FGF12: variants seen among roughly 807,000 people sequenced by gnomAD.
FGF12 encodes the protein fibroblast growth factor 12B.
A neutral mutation model predicts 23.6 loss-of-function variants in FGF12; 14 were observed. The ratio of observed to expected loss-of-function variants is 0.59; its 90% CI spans 0.39 to 0.93. FGF12 has a LOEUF of 0.93. FGF12 is among the 40% of genes least tolerant of loss of function. The pLI, the probability that FGF12 is intolerant of heterozygous loss-of-function variation, is 0.00. For missense variants in FGF12, 175 were observed against 217.8 expected, an observed-to-expected ratio of 0.80 and a Z score of 1.24; for synonymous variants, 62 against 77.3, an observed-to-expected ratio of 0.80 and a Z score of 1.04.
intron 2 of FGF12, among the ~76,000 whole-genome samples, chr3:192,364,731 A>G (rs565426293): frequency 6.6e-6 from 1 of 152,320 alleles, no homozygotes; most frequent in South Asian, 2.1e-4. Context: ...TAAAGGAAAG[A>G]TGACTGCCAT....
chr3:192,295,855 TATTTA>T (rs1470360439), intron 4 of FGF12, among the ~76,000 whole-genome samples: 10 of 151,876 alleles, frequency 6.6e-5, no homozygotes, highest in African/African-American at 1.7e-4. Context: ...GCAATAGAAA[TATTTA>T]ATTTAATTAA....
intron 4 of FGF12, among the ~76,000 whole-genome samples, chr3:192,214,989 C>A (rs184436280): frequency 7.2e-5 from 11 of 152,320 alleles, no homozygotes; most frequent in African/African-American, 2.6e-4. Context: ...CAGCTCCCCC[C>A]AGATCTGCTT....
chr3:192,652,732 C>T (rs1386470287), intron 2 of FGF12, among the ~76,000 whole-genome samples: 1 of 152,150 alleles, frequency 6.6e-6, no homozygotes, highest in East Asian at 1.9e-4. Flanking sequence ...CTGTGATGTT[C>T]ACTCAAATTT....
intron 5 of FGF12, among the ~76,000 whole-genome samples, chr3:192,159,331 T>G (rs1248847224): frequency 1.3e-5 from 2 of 152,184 alleles, no homozygotes; most frequent in Admixed American, 6.5e-5. Context: ...AGTTAATTAT[T>G]TCCTCCTTTT....
At chr3:192,477,650 G>C (rs1380867130) in intron 2 of FGF12, among the ~76,000 whole-genome samples, 1 of 152,124 alleles carries the variant, frequency 6.6e-6, no homozygotes, top group Non-Finnish European at 1.5e-5. Flanking sequence ...GTGGAGAGAG[G>C]GGAAGAGTCA....
At chr3:192,606,375 A>T (rs1714337848) in intron 2 of FGF12, among the ~76,000 whole-genome samples, 1 of 152,024 alleles carries the variant, frequency 6.6e-6, no homozygotes, top group Non-Finnish European at 1.5e-5. Flanking sequence ...TACCAGAAAG[A>T]GGAGGGAGAA....
intron 2 of FGF12, among the ~76,000 whole-genome samples, chr3:192,623,799 A>G (rs1424438578): frequency 1.3e-5 from 2 of 152,172 alleles, no homozygotes; most frequent in Non-Finnish European, 2.9e-5. Context: ...CTCGGCTATT[A>G]TTCCCTGTTG....
At chr3:192,452,047 G>A (rs1016705880) in intron 2 of FGF12, among the ~76,000 whole-genome samples, 18 of 152,080 alleles carry the variant, frequency 1.2e-4, no homozygotes, top group Non-Finnish European at 2.1e-4. Context: ...TTGAATAGAA[G>A]TAATGAAAAT....
chr3:192,711,940 C>CAAAAA (rs60779864), intron 2 of FGF12, among the ~76,000 whole-genome samples: 4 of 50,810 alleles, frequency 7.9e-5, no homozygotes, highest in Non-Finnish European at 1.5e-4. Flanking sequence ...CAAGAACGAT[C>CAAAAA]AAAAAAAAAA....
At chr3:192,579,171 T>C in intron 2 of FGF12, among the ~76,000 whole-genome samples, 1 of 152,216 alleles carries the variant, frequency 6.6e-6, no homozygotes, top group East Asian at 1.9e-4. Flanking sequence ...CTATGATGTG[T>C]CTTCATTTTG....
chr3:192,156,863 C>A (rs1714453627), intron 5 of FGF12, among the ~76,000 whole-genome samples: 1 of 152,210 alleles, frequency 6.6e-6, no homozygotes. Context: ...CAAATCAAAG[C>A]ACACTCTTAT....
chr3:192,227,401 T>C (rs1176446307), intron 4 of FGF12, among the ~76,000 whole-genome samples: 1 of 152,000 alleles, frequency 6.6e-6, no homozygotes. Context: ...AGGATGCCAG[T>C]TCAATCTTTT....
At chr3:192,609,680 T>C (rs1714479609) in intron 2 of FGF12, among the ~76,000 whole-genome samples, 1 of 152,148 alleles carries the variant, frequency 6.6e-6, no homozygotes, top group African/African-American at 2.4e-5. Flanking sequence ...ATAGTTGTTA[T>C]GGCCTCATAT....
chr3:192,311,809 A>T (rs1608915), intron 4 of FGF12, among the ~76,000 whole-genome samples: 46,190 of 152,036 alleles, frequency 0.3, 9,725 homozygotes, highest in African/African-American at 0.59. Context: ...TGTTATTATC[A>T]GTCTTTTTTA....
intron 2 of FGF12, among the ~76,000 whole-genome samples, chr3:192,644,233 A>G (rs1475796796): frequency 6.6e-6 from 1 of 152,192 alleles, no homozygotes; most frequent in Non-Finnish European, 1.5e-5. Context: ...AGAACAAACC[A>G]TAACTTCATT....
At chr3:192,414,473 ATGTAAT>A (rs1177067645) in intron 2 of FGF12, among the ~76,000 whole-genome samples, 2 of 152,114 alleles carry the variant, frequency 1.3e-5, no homozygotes, top group African/African-American at 4.8e-5. Context: ...AATTACAATC[ATGTAAT>A]AAAGTCAATA....
intron 2 of FGF12, among the ~76,000 whole-genome samples, chr3:192,433,813 C>T (rs1012423097): frequency 1.3e-5 from 2 of 152,220 alleles, no homozygotes; most frequent in African/African-American, 4.8e-5. Context: ...TACACTTCAC[C>T]TCCCCATGGG....
chr3:192,415,732 TCA>T (rs572589902), intron 2 of FGF12, among the ~76,000 whole-genome samples: 3,631 of 117,884 alleles, frequency 0.031, 58 homozygotes, highest in African/African-American at 0.033. Context: ...TCTCTCTCTC[TCA>T]CACACACACA....
intron 2 of FGF12, among the ~76,000 whole-genome samples, chr3:192,667,027 A>C (rs1456141800): frequency 6.6e-6 from 1 of 152,230 alleles, no homozygotes; most frequent in African/African-American, 2.4e-5. Flanking sequence ...AAGGAAAAAA[A>C]TCATGATTCA....
Sources: gnomAD v4.1 joint callset for allele counts (sites outside exome capture counted in the v4.1 genomes callset) on GRCh38, gnomAD v4.1.1 for gene constraint, MANE v1.5 for transcripts, NCBI Gene and HGNC (gene_info 2026-07-23, HGNC 2026-07-21) for gene names.